PLD1: variants seen among roughly 807,000 people sequenced by gnomAD.
The protein encoded by PLD1 is phospholipase D1, also known as choline phosphatase 1.
A neutral mutation model predicts 137.1 loss-of-function variants in PLD1; 112 were observed. The ratio of observed to expected loss-of-function variants is 0.82; its 90% CI spans 0.70 to 0.96. The LOEUF (loss-of-function observed/expected upper bound fraction) is 0.96, where lower values mean the gene tolerates loss of function less well. PLD1 is among the 40% of genes least tolerant of loss of function. The pLI is 0.00. For synonymous variants in PLD1, 431 were observed against 454.7 expected, an observed-to-expected ratio of 0.95 and a Z score of 0.66; for missense variants, 1,321 against 1,342.0, an observed-to-expected ratio of 0.98 and a Z score of 0.24.
intron 1 of PLD1, among the ~76,000 whole-genome samples, chr3:171,790,337 T>C (rs1308014760): frequency 1.3e-5 from 2 of 152,202 alleles, no homozygotes; most frequent in African/African-American, 4.8e-5. Context: ...CCTTAATGCA[T>C]GTAACCTACT....
Position 171,639,139 on chromosome 3 carries a change from C to CAT in PLD1, c.2593+3699_2593+3700dup, listed in dbSNP as rs202082531. On this transcript the variant is annotated intron_variant, in intron 23 of 26. Transcript: ENST00000351298. ...GTCAATTCCTCATAATAAATCTTTT[C>CAT]ATATATATATATGAAAGATAGATAT... is the stretch of plus-strand genomic sequence containing the variant. Among the ~76,000 whole-genome samples the CAT allele has an allele frequency of 7.5e-3, 1,090 of 145,540 alleles. 41 individuals carry two copies. The highest frequency in any genetic ancestry group is 0.06 in the Admixed American group (858 of 14,264).
chr3:171,724,709 T>C lies in PLD1; in HGVS notation c.745A>G (p.Arg249Gly). 6.2e-7 allele frequency: 1 copy of C among 1,603,418 alleles called. No individual in the cohort carries two copies. The highest frequency in any genetic ancestry group is 8.5e-7 in the Non-Finnish European group (1 of 1,170,646). ...ACTAATTCCTACCTTTTTGACCATC[T>C]GTAGCAGGCTCTTCCCTGACCACAG... ...NCCGQGRACY[R>G]WSKRWLIVKD... The change falls in exon 8 of 27, where the codon AGA becomes GGA. Residue 249 changes from arginine to glycine, a missense_variant. Arg to Gly is a moderately radical substitution (Grantham distance 125). Transcript: ENST00000351298.
intron 1 of PLD1, among the ~76,000 whole-genome samples, chr3:171,790,326 C>T (rs561882299): frequency 6.6e-6 from 1 of 152,278 alleles, no homozygotes; most frequent in Admixed American, 6.5e-5. Flanking sequence ...TGTAATAAAT[C>T]CCTTAATGCA....
chr3:171,672,993 A>G lies in PLD1; in HGVS notation c.2229+1507T>C, dbSNP rs541624714. 2.8e-4 allele frequency among the ~76,000 whole-genome samples: 43 copies of G among 152,336 alleles called. 1 individual carries two copies. The South Asian group carries it at 8.9e-3, about 32-fold the overall frequency. ...AAAAATACTTAATTCCCAGCAATCCATTTTCAACAGATACTTATTAACATC... is the reference window on the plus strand; with the variant it reads ...AAAAATACTTAATTCCCAGCAATCCGTTTTCAACAGATACTTATTAACATC... On this transcript the variant is annotated intron_variant, in intron 19 of 26. Coordinates refer to ENST00000351298, the MANE Select transcript of PLD1 (RefSeq NM_002662.5).
chr3:171,656,328 G>A (rs1737203018), intron 21 of PLD1, among the ~76,000 whole-genome samples: 1 of 151,994 alleles, frequency 6.6e-6, no homozygotes, highest in Admixed American at 6.6e-5. Flanking sequence ...GCACCACCAA[G>A]CCCAGCTAAT....
At chr3:171,683,483 C>T (rs1714219850) in intron 16 of PLD1, among the ~76,000 whole-genome samples, 1 of 152,022 alleles carries the variant, frequency 6.6e-6, no homozygotes, top group Non-Finnish European at 1.5e-5. Flanking sequence ...ACACCCAACC[C>T]CTCTACCTCA....
At chr3:171,686,848 C>A in intron 15 of PLD1, 50 bp from the exon 16 acceptor site, 1 of 931,170 alleles carries the variant, frequency 1.1e-6, no homozygotes, top group Admixed American at 2.0e-5. Context: ...ATCAAATTTT[C>A]TAAACTGGAA....
At chr3:171,710,227 ATT>A (rs1318560144) in intron 9 of PLD1, among the ~76,000 whole-genome samples, 1 of 151,760 alleles carries the variant, frequency 6.6e-6, no homozygotes, top group African/African-American at 2.4e-5. Flanking sequence ...CGCCCGGCTA[ATT>A]TTTTTGTATT....
In PLD1 at chr3:171,687,580, G is replaced by C; in HGVS notation, c.1544C>G (p.Ala515Gly). ...SGPSLGSLPP[A>G]AMESMESLRL... ...TAAGGATTCCATAGACTCCATTGCG[G>C]CAGGCTGAGAAAAATTTTTTTTTAA... Residue 515 changes from alanine to glycine, a missense_variant, in exon 15 of 27, where the codon GCC becomes GGC. Ala to Gly is a moderately conservative substitution (Grantham distance 60). Coordinates refer to ENST00000351298, the MANE Select transcript of PLD1 (RefSeq NM_002662.5). 6.2e-7 allele frequency: 1 copy of C among 1,608,348 alleles called. No individual in the cohort carries two copies. The highest frequency in any genetic ancestry group is 8.5e-7 in the Non-Finnish European group (1 of 1,177,894).
intron 1 of PLD1, among the ~76,000 whole-genome samples, chr3:171,798,290 C>T (rs1180871902): frequency 6.6e-6 from 1 of 152,176 alleles, no homozygotes; most frequent in East Asian, 1.9e-4. Flanking sequence ...GTCTAGAGAC[C>T]TTTCTAGGCT....
At chr3:171,708,242 C>T (rs1716850419) in intron 11 of PLD1, among the ~76,000 whole-genome samples, 1 of 152,138 alleles carries the variant, frequency 6.6e-6, no homozygotes, top group South Asian at 2.1e-4. Context: ...AGCATAGCAA[C>T]TCTTATGGAT....
chr3:171,772,307 G>GT (rs1296873860), intron 1 of PLD1, among the ~76,000 whole-genome samples: 1 of 152,114 alleles, frequency 6.6e-6, no homozygotes, highest in Non-Finnish European at 1.5e-5. Flanking sequence ...TTTAATTATT[G>GT]TTTCTCCTAA....
At chr3:171,722,570 A>C (rs6806989) in intron 8 of PLD1, among the ~76,000 whole-genome samples, 1 of 151,940 alleles carries the variant, frequency 6.6e-6, no homozygotes, top group South Asian at 2.1e-4. Flanking sequence ...AAGAATGATA[A>C]AACATGTGCC....
At chr3:171,682,143 A>AGAAAG (rs1714049430) in intron 16 of PLD1, among the ~76,000 whole-genome samples, 1 of 97,642 alleles carries the variant, frequency 1.0e-5, no homozygotes, top group Non-Finnish European at 2.1e-5. Flanking sequence ...AAAGAAAGAA[A>AGAAAG]GAAAGAAAGA....
At chr3:171,638,885 T>G (rs1399675840) in intron 23 of PLD1, among the ~76,000 whole-genome samples, 1 of 152,162 alleles carries the variant, frequency 6.6e-6, no homozygotes, top group African/African-American at 2.4e-5. Flanking sequence ...TCTAATCCAT[T>G]GAGGGCCAGA....
intron 7 of PLD1, among the ~76,000 whole-genome samples, chr3:171,725,020 A>G (rs1316463044): frequency 6.6e-6 from 1 of 152,126 alleles, no homozygotes; most frequent in Non-Finnish European, 1.5e-5. Context: ...GGGCAGTGTG[A>G]TTCTGTTGTG....
intron 1 of PLD1, among the ~76,000 whole-genome samples, chr3:171,799,165 C>G (rs1413335128): frequency 6.6e-6 from 1 of 151,780 alleles, no homozygotes; most frequent in Non-Finnish European, 1.5e-5. Context: ...ACGGTGAAAC[C>G]CTGTCTCTAC....
Position 171,810,078 on chromosome 3 carries a change from G to A in PLD1, c.-32+321C>T, listed in dbSNP as rs1002995807. On this transcript the variant is annotated intron_variant, in intron 1 of 26. Coordinates refer to ENST00000351298, the MANE Select transcript of PLD1 (RefSeq NM_002662.5). The stretch of plus-strand genomic sequence containing the variant: ...ACTGCACCCGAAGCCCTGTGGCGGC[G>A]AGGCGGTGCATCCTGCAGAGGACGC... Among the ~76,000 whole-genome samples, 3 of 152,358 alleles carry A rather than the reference G, an allele frequency of 2.0e-5. No homozygotes were observed. The East Asian group carries it at 5.8e-4, about 29-fold the overall frequency.
At chr3:171,693,154 T>C (rs1715362477) in intron 12 of PLD1, among the ~76,000 whole-genome samples, 1 of 152,188 alleles carries the variant, frequency 6.6e-6, no homozygotes, top group Non-Finnish European at 1.5e-5. Context: ...GATGCTAACA[T>C]GCTATACAAA....
Sources: allele counts gnomAD v4.1 joint callset (sites outside exome capture counted in the v4.1 genomes callset), GRCh38; gene constraint gnomAD v4.1.1; transcripts MANE v1.5; gene names NCBI Gene and HGNC (gene_info 2026-07-23, HGNC 2026-07-21).